Variants in SDAD1 observed in about 807,000 individuals in gnomAD.
SDAD1 encodes the protein protein SDA1 homolog.
In SDAD1, 79 loss-of-function variants were observed where a neutral mutation model predicts 100.3. That is an observed-to-expected ratio of 0.79 (90% CI 0.66 to 0.95). SDAD1 has a LOEUF of 0.95. Ranked by LOEUF, SDAD1 falls within the 40% of genes least tolerant of loss-of-function variation. The pLI, the probability that SDAD1 is intolerant of heterozygous loss-of-function variation, is 0.00. For synonymous variants in SDAD1, 267 were observed against 271.4 expected (o/e 0.98, Z 0.16); for missense variants, 790 against 810.9 (o/e 0.97, Z 0.31).
intron 13 of SDAD1, among the ~76,000 whole-genome samples, chr4:75,964,900 T>C (rs1446968586): frequency 6.6e-6 from 1 of 152,184 alleles, no homozygotes; most frequent in East Asian, 1.9e-4. Flanking sequence ...GTCATCTTCA[T>C]AAACTGAGGA....
intron 1 of SDAD1, among the ~76,000 whole-genome samples, chr4:75,987,650 C>T (rs1240585915): frequency 6.6e-6 from 1 of 151,978 alleles, no homozygotes; most frequent in Non-Finnish European, 1.5e-5. Context: ...CACAGGTGCC[C>T]GCCACCACAC....
In SDAD1 at chr4:75,981,378, C is replaced by G; in HGVS notation, c.288G>C (p.Leu96=). Residue 96 remains leucine, a synonymous_variant, in exon 3 of 22, where the codon CTG becomes CTC. Transcript: ENST00000356260. ...ATCCAACTACTGGTCCTACCATTCG[C>G]AGATCTGGATCCAATACGGTATGAT... ...SCNHTVLDPD[L]RMTFCKALIL... The G allele has an allele frequency of 1.9e-6, 3 of 1,613,804 alleles. No homozygotes were observed. Among genetic ancestry groups the G allele is most frequent in the Non-Finnish European group, 2.5e-6 (3 of 1,179,770 alleles).
rs554014213 is a variant in SDAD1 at position 75,957,385 on chromosome 4, G to T, written c.1794C>A (p.Asp598Glu). Residue 598 changes from aspartate (D) to glutamate (E), a missense_variant, in exon 20 of 22, where the codon GAC (aspartate) becomes GAA (glutamate). Physicochemically the swap from Asp to Glu is conservative, Grantham distance 45 (BLOSUM62 2). Transcript: ENST00000356260. ...TTGGCTTTTTATGAAGGCGTTCAAT[G>T]TCCCGAAGAGAAAGTAATTCACCCC... ...EPRGELLSLR[D>E]IERLHKKPKS... is the part of the protein sequence containing the mutation. 5 of 1,614,036 alleles carry T rather than the reference G, an allele frequency of 3.1e-6. No individual in the cohort carries two copies. The South Asian group carries it at 4.4e-5, about 14-fold the overall frequency.
chr4:75,952,616 A>G (rs1192869910), intron 21 of SDAD1, among the ~76,000 whole-genome samples: 1 of 152,142 alleles, frequency 6.6e-6, no homozygotes, highest in Non-Finnish European at 1.5e-5. Flanking sequence ...AAATATCACC[A>G]AAGGGTAGGG....
intron 6 of SDAD1, 51 bp downstream of exon 6, chr4:75,975,693 T>C (rs757653153): frequency 4.3e-5 from 54 of 1,243,368 alleles, no homozygotes; most frequent in Middle Eastern, 4.3e-4. Context: ...CTGTATTAAT[T>C]ACAAATGAAA....
chr4:75,979,517 G>C (rs538443177), intron 3 of SDAD1, among the ~76,000 whole-genome samples: 3 of 151,324 alleles, frequency 2.0e-5, no homozygotes. Flanking sequence ...GTGCAATGGC[G>C]CGATCTCGGC....
At chr4:75,970,624 A>C (rs960105132) in intron 9 of SDAD1, among the ~76,000 whole-genome samples, 4 of 152,236 alleles carry the variant, frequency 2.6e-5, no homozygotes, top group African/African-American at 9.6e-5. Context: ...AAACATTAAT[A>C]ATATGGTTTG....
chr4:75,974,092 A>G lies in SDAD1; in HGVS notation c.620T>C (p.Phe207Ser), dbSNP rs1730018530. 1.2e-6 allele frequency: 2 copies of G among 1,613,854 alleles called. No individual in the cohort carries two copies. The highest frequency in any genetic ancestry group is 8.5e-7 in the Non-Finnish European group (1 of 1,179,818). The stretch of plus-strand genomic sequence containing the variant: ...GGTGCTCACCTTGGTGACCTTAGAG[A>G]AACATGCAGTTGTGATAACATTGAC... ...KTVNVITTAC[F>S]SKVTKILVAA... Residue 207 changes from phenylalanine to serine, a missense_variant, in exon 7 of 22, where the codon TTC becomes TCC. Coordinates refer to ENST00000356260, the MANE Select transcript of SDAD1 (RefSeq NM_018115.4).
rs1360268888 is a variant in SDAD1, at chr4:75,973,361, CA to C, written c.666del (p.Asp225MetfsTer23). 4 of 1,613,514 alleles carry C rather than the reference CA, an allele frequency of 2.5e-6. No individual in the cohort carries two copies. The highest frequency in any genetic ancestry group is 2.5e-6 in the Non-Finnish European group (3 of 1,179,702). On this transcript the variant is annotated frameshift_variant, in exon 8 of 22. Transcript: ENST00000356260. LOFTEE classifies it high-confidence loss of function. ...TCCTGTTTTTCATCTTCATCTTTCC[CA>C]AGAAAGAATGTCAAAGCGGCAACTA... Reference protein sequence around the residue: ...KILVAALTFFLGKDEDEKQDS... With the variant: ...KILVAALTFFXGKDEDEKQDS...
Position 75,950,122 on chromosome 4 carries a change from A to G in SDAD1, c.*628T>C, listed in dbSNP as rs1339698359. ...CATGGCATTCAAAACAAAAACAAAA[A>G]CAAAAAAAACACGGGGGGGGGGGGG... On this transcript the variant is annotated 3_prime_UTR_variant, in exon 22 of 22. Transcript: ENST00000356260. 11 of 123,186 alleles carry G rather than the reference A, an allele frequency of 8.9e-5. No individual in the cohort carries two copies. The highest frequency in any genetic ancestry group is 3.3e-5 in the Non-Finnish European group (2 of 60,776). 7.6% of individuals were successfully genotyped at this position (123,186 alleles called of 1,614,324 possible).
chr4:75,990,930 T>C lies in SDAD1; in HGVS notation c.-89A>G. The C allele has an allele frequency of 6.6e-7, 1 of 1,522,480 alleles. No homozygotes were observed. Among genetic ancestry groups the C allele is most frequent in the Non-Finnish European group, 9.1e-7 (1 of 1,104,840 alleles). The allele number at this position is 1,522,480 out of a possible 1,614,324, so 94.3% of individuals were successfully genotyped here. A position where few individuals can be genotyped will look rare whatever the true frequency, so the allele number is the denominator to read the frequency against. ...AATCCCTGCCAGCTGCAGCTTGGAC[T>C]CGTGTTTCCGGGTATGACCGGAAAT... On this transcript the variant is annotated 5_prime_UTR_variant, in exon 1 of 22. Transcript: ENST00000356260.
chr4:75,990,934 G>T lies in SDAD1; in HGVS notation c.-93C>A. ...CCTGCCAGCTGCAGCTTGGACTCGT[G>T]TTTCCGGGTATGACCGGAAATAGCG... On this transcript the variant is annotated 5_prime_UTR_variant, in exon 1 of 22. Coordinates refer to ENST00000356260, the MANE Select transcript of SDAD1 (RefSeq NM_018115.4). 1 of 1,489,708 alleles carries T rather than the reference G, an allele frequency of 6.7e-7. No individual in the cohort carries two copies. Among genetic ancestry groups the T allele is most frequent in the Non-Finnish European group, 9.3e-7 (1 of 1,077,290 alleles). 92.3% of individuals were successfully genotyped at this position (1,489,708 alleles called of 1,614,324 possible).
chr4:75,990,611 T>C, intron 1 of SDAD1, 141 bp downstream of exon 1: 2 of 1,578,444 alleles, frequency 1.3e-6, no homozygotes, highest in Non-Finnish European at 1.7e-6. Flanking sequence ...CCCCAACCCC[T>C]TCTCTCCTCT....
chr4:75,973,491 G>T, intron 7 of SDAD1, 100 bp from the exon 8 acceptor site: 1 of 798,642 alleles, frequency 1.3e-6, no homozygotes, highest in South Asian at 1.7e-5. Context: ...ACTAAGATCT[G>T]AAGAACAAAT....
chr4:75,990,627 G>A (rs1241264880), intron 1 of SDAD1, 125 bp downstream of exon 1: 11 of 1,593,540 alleles, frequency 6.9e-6, no homozygotes, highest in East Asian at 6.7e-5. Flanking sequence ...CCTCTGGAGG[G>A]ACCCCTGAAC....
At chr4:75,959,514 G>C (rs1440124017) in intron 17 of SDAD1, among the ~76,000 whole-genome samples, 1 of 152,092 alleles carries the variant, frequency 6.6e-6, no homozygotes, top group Non-Finnish European at 1.5e-5. Context: ...CGAGGCAGGA[G>C]GATCGCTTGA....
chr4:75,964,478 A>G lies in SDAD1; in HGVS notation c.1105-267T>C, dbSNP rs555775509. On this transcript the variant is annotated intron_variant, in intron 13 of 21. Coordinates refer to ENST00000356260, the MANE Select transcript of SDAD1 (RefSeq NM_018115.4). ...ATTCTTGACCTCCCCTAGTTATACA[A>G]AATTTGCTTATTAAAGAAAATCAGA... Among the ~76,000 whole-genome samples, 10 of 152,368 alleles carry G rather than the reference A, an allele frequency of 6.6e-5. No homozygotes were observed. In the East Asian group the frequency reaches 1.9e-3, roughly 29 times the overall value.
In SDAD1 at chr4:75,984,784, C is replaced by A. The variant is rs1028240186; in HGVS notation, c.91-2747G>T. ...ACATACACACACACACACAAACACACACACACACACACACACACACACACA... is the reference window on the plus strand; with the variant it reads ...ACATACACACACACACACAAACACAAACACACACACACACACACACACACA... On this transcript the variant is annotated intron_variant, in intron 1 of 21. Transcript: ENST00000356260. Among the ~76,000 whole-genome samples, 405 of 146,140 alleles carry A rather than the reference C, an allele frequency of 2.8e-3. 2 individuals carry two copies. The highest frequency in any genetic ancestry group is 9.8e-3 in the African/African-American group (394 of 40,118).
At chr4:75,983,547 T>C (rs1483599216) in intron 1 of SDAD1, among the ~76,000 whole-genome samples, 2 of 152,256 alleles carry the variant, frequency 1.3e-5, no homozygotes, top group Non-Finnish European at 2.9e-5. Context: ...TGACCAGTGC[T>C]GATGAGCTTT....
Sources: allele counts gnomAD v4.1 joint callset (sites outside exome capture counted in the v4.1 genomes callset), GRCh38; gene constraint gnomAD v4.1.1; transcripts MANE v1.5; gene names NCBI Gene and HGNC (gene_info 2026-07-23, HGNC 2026-07-21).